UGGT2: variants seen among roughly 807,000 people sequenced by gnomAD.
UGGT2 encodes the protein UDP-glucose:glycoprotein glucosyltransferase 2.
A neutral mutation model predicts 192.1 loss-of-function variants in UGGT2; 180 were observed. The observed-to-expected ratio is 0.94, with a 90% CI of 0.83 to 1.06. The LOEUF is 1.06. Among genes scored for constraint, UGGT2 ranks in the 50% least tolerant of loss-of-function variants. The pLI is 0.00. For synonymous variants in UGGT2, 580 were observed against 591.0 expected, an observed-to-expected ratio of 0.98 and a Z score of 0.27; for missense variants, 1,849 against 1,795.7, an observed-to-expected ratio of 1.03 and a Z score of -0.54.
chr13:95,984,320 C>A (rs933126814), intron 9 of UGGT2, among the ~76,000 whole-genome samples: 55 of 152,096 alleles, frequency 3.6e-4, no homozygotes, highest in African/African-American at 1.2e-3. Flanking sequence ...TCAATTTTTT[C>A]AATTTGTTTA....
intron 30 of UGGT2, among the ~76,000 whole-genome samples, chr13:95,865,227 A>AATT (rs1308006346): frequency 6.6e-6 from 1 of 152,090 alleles, no homozygotes; most frequent in Non-Finnish European, 1.5e-5. Context: ...TCCTCTTAAT[A>AATT]GGCTATTGGA....
At chr13:95,932,305 TTTTA>T (rs1320706341) in intron 17 of UGGT2, among the ~76,000 whole-genome samples, 5 of 123,356 alleles carry the variant, frequency 4.1e-5, no homozygotes, top group African/African-American at 1.6e-4. Context: ...TTCCTAGGTA[TTTTA>T]TTTGTGTGTG....
intron 20 of UGGT2, among the ~76,000 whole-genome samples, chr13:95,914,673 G>A (rs111794660): frequency 8.6e-5 from 12 of 140,298 alleles, no homozygotes; most frequent in East Asian, 2.2e-4. Flanking sequence ...GGTGATGCAC[G>A]CCTGTAATCC....
At chr13:95,979,548 CAAA>C (rs57487353) in intron 10 of UGGT2, among the ~76,000 whole-genome samples, 1 of 98,812 alleles carries the variant, frequency 1.0e-5, no homozygotes, top group Non-Finnish European at 2.0e-5. Flanking sequence ...GTCTCTTACG[CAAA>C]AAAAAAAAAA....
chr13:95,847,802 C>G (rs992552539), intron 36 of UGGT2, among the ~76,000 whole-genome samples: 1 of 152,350 alleles, frequency 6.6e-6, no homozygotes. Flanking sequence ...AAGTTTTCAA[C>G]TCCTTTGAGT....
At chr13:95,928,721 G>A (rs552921565) in intron 17 of UGGT2, among the ~76,000 whole-genome samples, 4 of 152,208 alleles carry the variant, frequency 2.6e-5, no homozygotes, top group African/African-American at 9.6e-5. Context: ...CTGGGCGGCT[G>A]GGCAGAGGGG....
At chr13:95,973,957 G>A (rs1236660299) in intron 10 of UGGT2, among the ~76,000 whole-genome samples, 1 of 152,124 alleles carries the variant, frequency 6.6e-6, no homozygotes, top group Admixed American at 6.5e-5. Flanking sequence ...AATATATTTA[G>A]GAGGAAAAAC....
intron 38 of UGGT2, among the ~76,000 whole-genome samples, chr13:95,830,128 T>A (rs1886499495): frequency 6.6e-6 from 1 of 152,172 alleles, no homozygotes; most frequent in Non-Finnish European, 1.5e-5. Flanking sequence ...GAAAAATTAA[T>A]TCAAGATGGA....
chr13:95,903,030 T>C lies in UGGT2; in HGVS notation c.2326A>G (p.Ile776Val), dbSNP rs377570708. ...TTTATTTTTGATGTAGGATTATAAA[T>C]AATCCCCAACCGACTATGAACACTT... Reference protein sequence around the residue: ...KTSVHSRLGIIYNPTSKINEE... With the variant: ...KTSVHSRLGIVYNPTSKINEE... Residue 776 changes from isoleucine to valine, a missense_variant, in exon 21 of 39, where the codon ATT (isoleucine) becomes GTT (valine). Physicochemically the swap from Ile to Val is conservative, Grantham distance 29. Coordinates refer to ENST00000376747, the MANE Select transcript of UGGT2 (RefSeq NM_020121.4). 1.4e-4 allele frequency: 232 copies of C among 1,612,528 alleles called. 1 individual carries two copies. The highest frequency in any genetic ancestry group is 1.8e-4 in the Non-Finnish European group (212 of 1,179,514).
Position 95,884,656 on chromosome 13 carries a change from T to C in UGGT2, c.3063A>G (p.Pro1021=), listed in dbSNP as rs963635646. ...CGTCATTAGCCCCTGACATCAGTTC[T>C]GGTTCCAGAACAAAACGGTAAAAGC... ...LESFYRFVLE[P]ELMSGANDVS... is the part of the protein sequence containing the mutation. The change falls in exon 27 of 39, where the codon CCA becomes CCG. Residue 1021 remains proline, a synonymous_variant. Transcript: ENST00000376747. 1 of 1,612,968 alleles carries C rather than the reference T, an allele frequency of 6.2e-7. No individual in the cohort carries two copies. Among genetic ancestry groups the C allele is most frequent in the African/African-American group, 1.3e-5 (1 of 75,022 alleles).
intron 20 of UGGT2, among the ~76,000 whole-genome samples, chr13:95,905,443 G>C (rs929430934): frequency 6.6e-6 from 1 of 152,024 alleles, no homozygotes; most frequent in Non-Finnish European, 1.5e-5. Context: ...TAACGTTTAA[G>C]TCTTTAATCC....
At chr13:95,912,179 G>A (rs1294118324) in intron 20 of UGGT2, among the ~76,000 whole-genome samples, 1 of 152,172 alleles carries the variant, frequency 6.6e-6, no homozygotes, top group Non-Finnish European at 1.5e-5. Flanking sequence ...ACGGGCACAA[G>A]ACAGGGATGC....
chr13:95,968,156 G>C (rs2050649034), intron 12 of UGGT2, among the ~76,000 whole-genome samples: 1 of 151,920 alleles, frequency 6.6e-6, no homozygotes, highest in Non-Finnish European at 1.5e-5. Context: ...TAAAAATGAT[G>C]TTTTTTGTTG....
chr13:95,818,396 G>C (rs186943429), intron 38 of UGGT2, among the ~76,000 whole-genome samples: 44 of 152,196 alleles, frequency 2.9e-4, no homozygotes, highest in African/African-American at 9.9e-4. Flanking sequence ...CCTCTTTCTT[G>C]TTGTTAATAA....
intron 21 of UGGT2, among the ~76,000 whole-genome samples, chr13:95,901,765 T>C (rs1313190887): frequency 6.6e-6 from 1 of 152,152 alleles, no homozygotes; most frequent in Non-Finnish European, 1.5e-5. Flanking sequence ...ATGTAGCCAG[T>C]GGCTGTGGTG....
At chr13:95,884,821 G>C (rs1459598140) in intron 26 of UGGT2, 141 bp from the exon 27 acceptor site, 1 of 740,732 alleles carries the variant, frequency 1.4e-6, no homozygotes, top group African/African-American at 1.8e-5. Context: ...CTGCAGAAAA[G>C]TTAATGCTTA....
intron 6 of UGGT2, among the ~76,000 whole-genome samples, chr13:95,996,569 C>G (rs1370711475): frequency 6.6e-6 from 1 of 151,952 alleles, no homozygotes; most frequent in African/African-American, 2.4e-5. Flanking sequence ...CCTTCATGGA[C>G]CAGATTAATA....
chr13:95,983,928 C>T, intron 9 of UGGT2, 64 bp from the exon 10 acceptor site: 1 of 1,056,688 alleles, frequency 9.5e-7, no homozygotes. Flanking sequence ...TCTATATAAC[C>T]CAATGTAATC....
intron 21 of UGGT2, among the ~76,000 whole-genome samples, 198 bp downstream of exon 21, chr13:95,902,656 A>G (rs2140291760): frequency 6.6e-6 from 1 of 152,170 alleles, no homozygotes; most frequent in Admixed American, 6.5e-5. Context: ...TTAATGAAAC[A>G]TATGAAATCT....
Sources: gnomAD v4.1 joint callset for allele counts (sites outside exome capture counted in the v4.1 genomes callset) on GRCh38, gnomAD v4.1.1 for gene constraint, MANE v1.5 for transcripts, NCBI Gene and HGNC (gene_info 2026-07-23, HGNC 2026-07-21) for gene names.